The following GALNT18 variants were observed in gnomAD, a reference collection of about 807,000 sequenced individuals.
GALNT18 encodes GalNAc-transferase 18.
Under a neutral mutation model 69.5 loss-of-function variants are expected in GALNT18, and 44 were observed. That is an observed-to-expected ratio of 0.63 (90% confidence interval 0.50 to 0.81). The LOEUF is 0.81. GALNT18 is among the 40% of genes least tolerant of loss of function. The pLI, the probability that GALNT18 is intolerant of heterozygous loss-of-function variation, is 0.00. For synonymous variants in GALNT18, 364 were observed against 318.2 expected (o/e 1.14, Z -1.53); for missense variants, 715 against 810.0 (o/e 0.88, Z 1.42).
rs1270255777 is a variant in GALNT18 at position 11,436,859 on chromosome 11, G to A, written c.429-4072C>T. On this transcript the variant is annotated intron_variant, in intron 2 of 10. Transcript: ENST00000227756. The surrounding 1 kb of genome is among the most constrained non-coding windows in gnomAD (Gnocchi z 4.5). Reference sequence around the variant, plus strand: ...ACGCCTCCAAGAGCTGCGTGGGAGAGGACTGCTCTGGACCCAAGCCCAGAG... The same window carrying A: ...ACGCCTCCAAGAGCTGCGTGGGAGAAGACTGCTCTGGACCCAAGCCCAGAG... Among the ~76,000 whole-genome samples, 1 of 152,212 alleles carries A rather than the reference G, an allele frequency of 6.6e-6. No individual in the cohort carries two copies. The highest frequency in any genetic ancestry group is 2.4e-5 in the African/African-American group (1 of 41,460).
chr11:11,346,668 C>G (rs1301801247), intron 6 of GALNT18, among the ~76,000 whole-genome samples: 3 of 152,188 alleles, frequency 2.0e-5, no homozygotes, highest in African/African-American at 7.2e-5. Flanking sequence ...GATATGCCTA[C>G]AGAGGAGCTG....
At chr11:11,558,653 G>A (rs912589694) in intron 1 of GALNT18, among the ~76,000 whole-genome samples, 7 of 152,218 alleles carry the variant, frequency 4.6e-5, no homozygotes, top group Non-Finnish European at 1.0e-4. Context: ...AGCCCCTGCA[G>A]CCAGAGGGCT....
rs114005458 is a variant in GALNT18, at chr11:11,570,872, C to A, written c.235+50487G>T. 4.3e-3 allele frequency among the ~76,000 whole-genome samples: 655 copies of A among 152,330 alleles called. 4 individuals are homozygous for A. The highest frequency in any genetic ancestry group is 0.015 in the African/African-American group (636 of 41,580). The stretch of plus-strand genomic sequence containing the variant: ...TAATTTACTTGCCTGTAAAGAGTTA[C>A]TCTCCAAATTATCCCCACATCTTCC... On this transcript the variant is annotated intron_variant, in intron 1 of 10. Coordinates refer to ENST00000227756, the MANE Select transcript of GALNT18 (RefSeq NM_198516.3).
intron 2 of GALNT18, among the ~76,000 whole-genome samples, chr11:11,446,800 T>G (rs1362418005): frequency 6.6e-6 from 1 of 152,192 alleles, no homozygotes; most frequent in Non-Finnish European, 1.5e-5. Context: ...GCTCAAGCCC[T>G]TCCCATGGAT....
In GALNT18 at chr11:11,271,121, C is replaced by T; in HGVS notation, c.*23G>A. On this transcript the variant is annotated 3_prime_UTR_variant, in exon 11 of 11. Coordinates refer to ENST00000227756, the MANE Select transcript of GALNT18 (RefSeq NM_198516.3). ...CAGGTGCTACACAGTAGCAAAGAGG[C>T]AGCCGGAAGTGGCCCCGGTGGGTCA... 6.2e-7 allele frequency: 1 copy of T among 1,601,074 alleles called. No individual in the cohort carries two copies. Among genetic ancestry groups the T allele is most frequent in the Non-Finnish European group, 8.5e-7 (1 of 1,170,082 alleles).
rs570428606 is a variant in GALNT18, at chr11:11,413,912, C to T, written c.595+18709G>A. Among the ~76,000 whole-genome samples the T allele has an allele frequency of 2.6e-5, 4 of 152,318 alleles. No homozygotes were observed. The highest frequency in any genetic ancestry group is 2.1e-4 in the South Asian group (1 of 4,822). ...CCTCAGCTGTTTCACAGGCAGGTCA[C>T]ATTTGGCACATTCAGGACTTCACAC... On this transcript the variant is annotated intron_variant, in intron 3 of 10. Coordinates refer to ENST00000227756, the MANE Select transcript of GALNT18 (RefSeq NM_198516.3). This position sits in a 1 kb window ranked among gnomAD's most constrained non-coding sequence, Gnocchi z 4.7.
intron 9 of GALNT18, among the ~76,000 whole-genome samples, chr11:11,302,729 G>A (rs1220125684): frequency 6.6e-6 from 1 of 152,248 alleles, no homozygotes; most frequent in Non-Finnish European, 1.5e-5. Context: ...AACAAAATCA[G>A]AGACAGCAAA....
At chr11:11,397,901 A>G (rs1306845969) in intron 3 of GALNT18, among the ~76,000 whole-genome samples, 3 of 152,242 alleles carry the variant, frequency 2.0e-5, no homozygotes, top group Admixed American at 6.5e-5. Flanking sequence ...GGCCAATGGC[A>G]TACTGTATGA....
intron 1 of GALNT18, among the ~76,000 whole-genome samples, chr11:11,575,819 T>A (rs1293485168): frequency 6.6e-6 from 1 of 152,244 alleles, no homozygotes; most frequent in East Asian, 1.9e-4. Context: ...AGGACCTCAC[T>A]GATAAGTCAT....
At position 11,542,292 on chromosome 11, in the gene GALNT18, T is replaced by G. The variant is rs1342002258; in HGVS notation, c.235+79067A>C. The stretch of plus-strand genomic sequence containing the variant: ...GTAGATCTAGCCTTTCCCTCAGCCT[T>G]TCTCCCTACCAGATAGAGCAAGCCA... On this transcript the variant is annotated intron_variant, in intron 1 of 10. Coordinates refer to ENST00000227756, the MANE Select transcript of GALNT18 (RefSeq NM_198516.3). The surrounding 1 kb of genome is among the most constrained non-coding windows in gnomAD (Gnocchi z 4.3). Among the ~76,000 whole-genome samples, 2 of 152,196 alleles carry G rather than the reference T, an allele frequency of 1.3e-5. No individual in the cohort carries two copies. The highest frequency in any genetic ancestry group is 3.9e-4 in the East Asian group (2 of 5,188).
chr11:11,366,097 A>G (rs1261391852), intron 6 of GALNT18, among the ~76,000 whole-genome samples: 1 of 152,198 alleles, frequency 6.6e-6, no homozygotes, highest in Non-Finnish European at 1.5e-5. Context: ...ATACGCTATT[A>G]TGACCATGTG....
Position 11,377,315 on chromosome 11 carries a change from T to C in GALNT18, c.844A>G (p.Asn282Asp), listed in dbSNP as rs765714474. 1 of 1,614,062 alleles carries C rather than the reference T, an allele frequency of 6.2e-7. No individual in the cohort carries two copies. The highest frequency in any genetic ancestry group is 1.1e-5 in the South Asian group (1 of 91,068). The change falls in exon 5 of 11, where the codon AAC becomes GAC. Residue 282 changes from asparagine to aspartate, a missense_variant. Asn to Asp is a conservative substitution (Grantham distance 23). Transcript: ENST00000227756. The surrounding 1 kb of genome is among the most constrained non-coding windows in gnomAD (Gnocchi z 4.6). ...ATCTCAAAGTTGTCATATTTGATGT[T>C]ATCAAAGGATGGCGAGATGATCCGC... ...RKRIISPSFD[N>D]IKYDNFEIEE...
rs1859746670 is a variant in GALNT18 at position 11,606,008 on chromosome 11, T to A, written c.235+15351A>T. 6.6e-6 allele frequency among the ~76,000 whole-genome samples: 1 copy of A among 152,198 alleles called. No homozygotes were observed. Among genetic ancestry groups the A allele is most frequent in the African/African-American group, 2.4e-5 (1 of 41,452 alleles). ...GGCTATGAGAGAGACCCCAGAAGCA[T>A]GAGCGTTCCTGTCCCTGACCCAAAA... On this transcript the variant is annotated intron_variant, in intron 1 of 10. Transcript: ENST00000227756. This position sits in a 1 kb window ranked among gnomAD's most constrained non-coding sequence, Gnocchi z 5.4.
rs1168424110 is a variant in GALNT18 at position 11,478,925 on chromosome 11, CGCGGAG to C, written c.236-29995_236-29990del. ...TCTCTTGCGGCATCTCGGCATCTCC[CGCGGAG>C]GTGGCATCTCCCGCGGAGGTGGCAC... On this transcript the variant is annotated intron_variant, in intron 1 of 10. Transcript: ENST00000227756. Among the ~76,000 whole-genome samples, 6 of 7,386 alleles carry C rather than the reference CGCGGAG, an allele frequency of 8.1e-4. No individual in the cohort carries two copies. In the Admixed American group the frequency reaches 0.017, roughly 21 times the overall value. The allele number at this position is 7,386 out of a possible 152,430, so 4.8% of individuals were successfully genotyped here.
intron 1 of GALNT18, among the ~76,000 whole-genome samples, chr11:11,481,785 G>A (rs754239424): frequency 9.9e-5 from 15 of 152,160 alleles, no homozygotes; most frequent in Admixed American, 2.0e-4. Context: ...GCACCTCTGA[G>A]GATGTCATCA....
At chr11:11,510,912 G>A (rs1452226766) in intron 1 of GALNT18, among the ~76,000 whole-genome samples, 1 of 152,074 alleles carries the variant, frequency 6.6e-6, no homozygotes, top group African/African-American at 2.4e-5. Flanking sequence ...CAGGCTGCAG[G>A]CCTTCCTGAC....
At chr11:11,361,837 G>A (rs1441798428) in intron 6 of GALNT18, among the ~76,000 whole-genome samples, 2 of 152,184 alleles carry the variant, frequency 1.3e-5, no homozygotes, top group African/African-American at 4.8e-5. Context: ...AGGGAAAGAT[G>A]ATACTTGTGT....
At chr11:11,599,475 A>G (rs1177307181) in intron 1 of GALNT18, among the ~76,000 whole-genome samples, 1 of 151,814 alleles carries the variant, frequency 6.6e-6, no homozygotes, top group Non-Finnish European at 1.5e-5. Context: ...TTCTCTTTCA[A>G]ATTATTTATA....
chr11:11,390,504 A>C (rs2133713818), intron 3 of GALNT18, among the ~76,000 whole-genome samples: 1 of 152,304 alleles, frequency 6.6e-6, no homozygotes, highest in East Asian at 1.9e-4. Context: ...CTGGGGGAAG[A>C]GTTAAGGCTC....
Sources: gnomAD v4.1 joint callset for allele counts (sites outside exome capture counted in the v4.1 genomes callset) on GRCh38, gnomAD v4.1.1 for gene constraint, Gnocchi (gnomAD v3.1) non-coding constraint, MANE v1.5 for transcripts, NCBI Gene and HGNC (gene_info 2026-07-23, HGNC 2026-07-21) for gene names.